DNAH6: variants seen among roughly 807,000 people sequenced by gnomAD.
DNAH6 encodes axonemal beta dynein heavy chain 6.
DNAH6 carries 340 observed loss-of-function variants against 491.4 expected under a neutral mutation model. The observed-to-expected ratio is 0.69, with a 90% CI of 0.63 to 0.76. The LOEUF is 0.76. Among genes scored for constraint, DNAH6 ranks in the 30% least tolerant of loss-of-function variants. The pLI, the probability that DNAH6 is intolerant of heterozygous loss-of-function variation, is 0.00. For synonymous variants in DNAH6, 1,603 were observed against 1,686.1 expected (o/e 0.95, Z 1.21); for missense variants, 4,443 against 4,972.2 (o/e 0.89, Z 3.20).
intron 52 of DNAH6, among the ~76,000 whole-genome samples, chr2:84,706,344 A>C (rs1046905461): frequency 2.0e-5 from 3 of 152,386 alleles, no homozygotes; most frequent in Admixed American, 2.0e-4. Context: ...AAGCATGACT[A>C]TGTTCCAATA....
intron 68 of DNAH6, among the ~76,000 whole-genome samples, chr2:84,792,204 G>T (rs1030541140): frequency 6.6e-6 from 1 of 152,128 alleles, no homozygotes; most frequent in Non-Finnish European, 1.5e-5. Flanking sequence ...ACAAGAGAAT[G>T]GTGGGTATCA....
Position 84,697,629 on chromosome 2 carries a change from G to T in DNAH6, c.7579G>T (p.Val2527Leu). Residue 2527 changes from valine to leucine, a missense_variant, in exon 47 of 77, where the codon GTG becomes TTG. By Grantham distance (32) the Val-to-Leu change is conservative. This residue lies in a region of DNAH6 where 2,977 missense variants were observed against 3,296.6 expected (regional missense o/e 0.90). Coordinates refer to ENST00000389394, the MANE Select transcript of DNAH6 (RefSeq NM_001370.2). ...DINNILNSGE[V>L]PNLFEKDELE... ...AAATAACATCCTGAACTCAGGTGAA[G>T]TGCCTAATTTATTTGAAAAGGATGA... The T allele has an allele frequency of 6.4e-7, 1 of 1,552,044 alleles. No individual in the cohort carries two copies. The highest frequency in any genetic ancestry group is 2.4e-5 in the East Asian group (1 of 40,918).
intron 20 of DNAH6, 142 bp downstream of exon 20, chr2:84,605,734 G>A: frequency 1.7e-6 from 1 of 578,138 alleles, no homozygotes; most frequent in Non-Finnish European, 3.1e-6. Flanking sequence ...CAAAATGAAT[G>A]CAAATAATTG....
At chr2:84,598,162 T>TCTTTCTTTCTTC (rs1450653885) in intron 18 of DNAH6, among the ~76,000 whole-genome samples, 1 of 72,780 alleles carries the variant, frequency 1.4e-5, no homozygotes, top group East Asian at 4.9e-4. Flanking sequence ...TTTCTTTCTT[T>TCTTTCTTTCTTC]CTTTCTTTCT....
At chr2:84,712,939 T>C (rs1183563164) in intron 56 of DNAH6, among the ~76,000 whole-genome samples, 156 bp from the exon 57 acceptor site, 1 of 152,240 alleles carries the variant, frequency 6.6e-6, no homozygotes, top group Admixed American at 6.5e-5. Context: ...ATAGGTACTG[T>C]TAGAGGTAGT....
At position 84,557,750 on chromosome 2, in the gene DNAH6, G is replaced by T. The variant is rs1219395280; in HGVS notation, c.1618G>T (p.Ala540Ser). 2 of 1,583,324 alleles carry T rather than the reference G, an allele frequency of 1.3e-6. No homozygotes were observed. The highest frequency in any genetic ancestry group is 1.7e-5 in the Admixed American group (1 of 58,906). The stretch of plus-strand genomic sequence containing the variant: ...TCTTTAACAGGATGGTATTTTGGGT[G>T]CAGTTAATCACTGTCAAAACACTGT... ...LEDFLDGILGAVNHCQNTVLS... is the reference protein window; with the variant it reads ...LEDFLDGILGSVNHCQNTVLS... The change falls in exon 11 of 77, where the codon GCA becomes TCA. Residue 540 changes from alanine (A) to serine (S), a missense_variant. Transcript: ENST00000389394.
intron 8 of DNAH6, 47 bp downstream of exon 8, chr2:84,548,464 G>A (rs1679011253): frequency 6.2e-7 from 1 of 1,607,568 alleles, no homozygotes; most frequent in Non-Finnish European, 8.5e-7. Context: ...CCCATCTTAA[G>A]CTGCATTAAA....
intron 29 of DNAH6, among the ~76,000 whole-genome samples, chr2:84,633,630 GT>G (rs1228041188): frequency 2.0e-5 from 3 of 151,644 alleles, no homozygotes; most frequent in Non-Finnish European, 4.4e-5. Flanking sequence ...CTCTCCCTCT[GT>G]TTTGGGGCTG....
intron 37 of DNAH6, among the ~76,000 whole-genome samples, chr2:84,664,071 C>A (rs1197928068): frequency 6.6e-6 from 1 of 152,124 alleles, no homozygotes; most frequent in Non-Finnish European, 1.5e-5. Context: ...CACCACCAGG[C>A]CAGCCTTGCA....
At chr2:84,606,580 A>G (rs1179804043) in intron 20 of DNAH6, among the ~76,000 whole-genome samples, 3 of 152,166 alleles carry the variant, frequency 2.0e-5, no homozygotes, top group Non-Finnish European at 4.4e-5. Flanking sequence ...GTGATAATTC[A>G]TTGGACAGAA....
chr2:84,574,086 A>G (rs1362695954), intron 12 of DNAH6, among the ~76,000 whole-genome samples: 1 of 152,204 alleles, frequency 6.6e-6, no homozygotes, highest in Non-Finnish European at 1.5e-5. Context: ...ATAATCTACA[A>G]TATCCAAGTG....
chr2:84,530,274 G>A (rs965416631), intron 4 of DNAH6, among the ~76,000 whole-genome samples: 1 of 152,162 alleles, frequency 6.6e-6, no homozygotes, highest in Non-Finnish European at 1.5e-5. Flanking sequence ...GATTAGGAGT[G>A]CTGGGGAAGA....
At chr2:84,534,331 A>G (rs1359164927) in intron 4 of DNAH6, among the ~76,000 whole-genome samples, 1 of 152,078 alleles carries the variant, frequency 6.6e-6, no homozygotes. Context: ...TAATATTTGT[A>G]TGGTTACCTT....
intron 29 of DNAH6, among the ~76,000 whole-genome samples, chr2:84,626,112 TAA>T (rs567691326): frequency 0.012 from 1,841 of 147,986 alleles, 20 homozygotes; most frequent in Non-Finnish European, 0.02. Context: ...ACAGATCCCC[TAA>T]AAAAAAAACT....
intron 21 of DNAH6, 112 bp from the exon 22 acceptor site, chr2:84,611,562 C>T (rs1686335268): frequency 1.1e-6 from 1 of 926,872 alleles, no homozygotes; most frequent in Non-Finnish European, 1.6e-6. Context: ...GGAGTCATAA[C>T]ACCACCCTCA....
intron 33 of DNAH6, among the ~76,000 whole-genome samples, chr2:84,644,780 T>G (rs1017999497): frequency 6.6e-6 from 1 of 152,220 alleles, no homozygotes; most frequent in Non-Finnish European, 1.5e-5. Context: ...CTCATTCCTT[T>G]TTATGGCTGT....
At chr2:84,655,970 C>T (rs1435556457) in intron 35 of DNAH6, among the ~76,000 whole-genome samples, 1 of 152,142 alleles carries the variant, frequency 6.6e-6, no homozygotes, top group Non-Finnish European at 1.5e-5. Flanking sequence ...TACTCCCCAT[C>T]CTTTAACCCC....
rs1366850819 is a variant in DNAH6, at chr2:84,755,546, G to A, written c.10513-7209G>A. Reference sequence around the variant, plus strand: ...TTGTTTATTGGTTTTAATAGTTTTTGAGTGAGTTCCCTAGTGTTTTGTATA... The same window carrying A: ...TTGTTTATTGGTTTTAATAGTTTTTAAGTGAGTTCCCTAGTGTTTTGTATA... On this transcript the variant is annotated intron_variant, in intron 63 of 76. Coordinates refer to ENST00000389394, the MANE Select transcript of DNAH6 (RefSeq NM_001370.2). Among the ~76,000 whole-genome samples, 4 of 152,144 alleles carry A rather than the reference G, an allele frequency of 2.6e-5. 1 individual carries two copies. The East Asian group carries it at 7.7e-4, about 29-fold the overall frequency.
intron 18 of DNAH6, among the ~76,000 whole-genome samples, chr2:84,601,610 A>G (rs1358528042): frequency 2.0e-5 from 3 of 148,400 alleles, no homozygotes; most frequent in Non-Finnish European, 4.5e-5. Context: ...TATATTTAGA[A>G]TAGGTTTTTT....
Sources: allele counts gnomAD v4.1 joint callset (sites outside exome capture counted in the v4.1 genomes callset), GRCh38; gene constraint gnomAD v4.1.1; regional missense constraint gnomAD v4.1.1; transcripts MANE v1.5; gene names NCBI Gene and HGNC (gene_info 2026-07-23, HGNC 2026-07-21).